The following UNK variants were observed in gnomAD, a reference collection of about 807,000 sequenced individuals.
UNK encodes RING finger protein unkempt homolog.
A neutral mutation model predicts 97.6 loss-of-function variants in UNK; 32 were observed. The ratio of observed to expected loss-of-function variants is 0.33; its 90% confidence interval spans 0.25 to 0.44. The LOEUF (loss-of-function observed/expected upper bound fraction) is 0.44, where lower values mean the gene tolerates loss of function less well. Ranked by LOEUF, UNK falls within the 20% of genes least tolerant of loss-of-function variation. The pLI is 1.00. For synonymous variants in UNK, 441 were observed against 461.2 expected (o/e 0.96, Z 0.56); for missense variants, 771 against 1,098.4 (o/e 0.70, Z 4.21).
intron 1 of UNK, among the ~76,000 whole-genome samples, chr17:75,794,383 T>G (rs2061787372): frequency 6.6e-6 from 1 of 152,172 alleles, no homozygotes; most frequent in Non-Finnish European, 1.5e-5. Flanking sequence ...ACGCCTGTAA[T>G]CCCAGCATTT....
intron 1 of UNK, chr17:75,792,185 A>G: frequency 1.1e-6 from 1 of 877,556 alleles, no homozygotes; most frequent in Non-Finnish European, 1.4e-6. Context: ...GAGTGATGAC[A>G]GTAAGGTTGC....
Position 75,790,657 on chromosome 17 carries a change from G to T in UNK, c.104+5673G>T, listed in dbSNP as rs146563923. ...AAAATAAATAAATAATTGGCTGGGC[G>T]TGGTGGCTCACGCCTGTAATCTTGA... On this transcript the variant is annotated intron_variant, in intron 1 of 15. Coordinates refer to ENST00000589666, the MANE Select transcript of UNK (RefSeq NM_001080419.3). Among the ~76,000 whole-genome samples the T allele has an allele frequency of 2.0e-3, 307 of 152,038 alleles. 1 individual carries two copies. The highest frequency in any genetic ancestry group is 6.6e-3 in the African/African-American group (274 of 41,504).
intron 1 of UNK, among the ~76,000 whole-genome samples, chr17:75,803,174 A>G (rs879367309): frequency 3.8e-4 from 46 of 119,874 alleles, no homozygotes; most frequent in South Asian, 7.5e-4. Flanking sequence ...CAAGGCGGGC[A>G]CATCATGAGG....
chr17:75,796,393 A>G (rs763362470), intron 1 of UNK, among the ~76,000 whole-genome samples: 1 of 150,172 alleles, frequency 6.7e-6, no homozygotes, highest in Non-Finnish European at 1.5e-5. Context: ...ATCATAGCTC[A>G]CTGCAGCCTT....
chr17:75,787,387 G>A (rs1373961917), intron 1 of UNK, among the ~76,000 whole-genome samples: 4 of 151,438 alleles, frequency 2.6e-5, no homozygotes, highest in South Asian at 2.1e-4. Context: ...GGTATTTTTT[G>A]TAGAGACGTG....
chr17:75,788,797 A>G (rs2061737116), intron 1 of UNK, among the ~76,000 whole-genome samples: 2 of 152,108 alleles, frequency 1.3e-5, no homozygotes, highest in Non-Finnish European at 2.9e-5. Flanking sequence ...GGTGTGAGCC[A>G]CCTCACCTGG....
rs770091719 is a variant in UNK, at chr17:75,784,999, C to G, written c.104+15C>G. 5.0e-6 allele frequency: 7 copies of G among 1,390,656 alleles called. No homozygotes were observed. The highest frequency in any genetic ancestry group is 6.6e-6 in the Non-Finnish European group (7 of 1,066,146). The allele number at this position is 1,390,656 out of a possible 1,614,324, so 86.1% of individuals were successfully genotyped here. Reference sequence around the variant, plus strand: ...CAGCACTACACGTACGTAGAGCCCCCCCCCCCCCGCCGCGCGCGCACGCCT... The same window carrying G: ...CAGCACTACACGTACGTAGAGCCCCGCCCCCCCCGCCGCGCGCGCACGCCT... On this transcript the variant is annotated intron_variant, in intron 1 of 15. Transcript: ENST00000589666.
chr17:75,807,480 A>G (rs1276397586), intron 1 of UNK, among the ~76,000 whole-genome samples: 1 of 152,114 alleles, frequency 6.6e-6, no homozygotes, highest in Non-Finnish European at 1.5e-5. Context: ...TTTGAGATGG[A>G]GTTTTGCTCT....
chr17:75,804,571 C>T (rs1567800208), intron 1 of UNK, among the ~76,000 whole-genome samples: 1 of 152,134 alleles, frequency 6.6e-6, no homozygotes, highest in African/African-American at 2.4e-5. Flanking sequence ...GGCATGGTGG[C>T]TCATGCCTGT....
At chr17:75,785,113 C>T in intron 1 of UNK, 129 bp downstream of exon 1, 1 of 605,576 alleles carries the variant, frequency 1.7e-6, no homozygotes, top group Non-Finnish European at 2.8e-6. Flanking sequence ...CCGGCCCAGA[C>T]CGGTTCCAAC....
intron 1 of UNK, among the ~76,000 whole-genome samples, chr17:75,790,879 G>C (rs2061758068): frequency 6.6e-6 from 1 of 151,506 alleles, no homozygotes; most frequent in Admixed American, 6.6e-5. Flanking sequence ...TGCGGAGGTT[G>C]CAGTGAGCCG....
At chr17:75,793,911 G>A in intron 1 of UNK, 1 of 985,390 alleles carries the variant, frequency 1.0e-6, no homozygotes, top group Non-Finnish European at 1.2e-6. Flanking sequence ...TTGTGACTTA[G>A]AAGTTTTAAG....
intron 2 of UNK, among the ~76,000 whole-genome samples, chr17:75,811,299 TTCA>T (rs1369146620): frequency 6.6e-6 from 1 of 152,134 alleles, no homozygotes; most frequent in Admixed American, 6.5e-5. Flanking sequence ...AGGGGATGTC[TTCA>T]TTGTGTTGCC....
intron 1 of UNK, among the ~76,000 whole-genome samples, chr17:75,789,283 A>G (rs2061741145): frequency 6.6e-6 from 1 of 152,184 alleles, no homozygotes; most frequent in Non-Finnish European, 1.5e-5. Flanking sequence ...CTTAGCACTT[A>G]GTAAAACGAT....
chr17:75,802,544 C>T (rs2061871174), intron 1 of UNK, among the ~76,000 whole-genome samples: 1 of 152,088 alleles, frequency 6.6e-6, no homozygotes, highest in Non-Finnish European at 1.5e-5. Flanking sequence ...GGATGAGCCA[C>T]TGCATGCAGC....
intron 1 of UNK, among the ~76,000 whole-genome samples, chr17:75,808,753 A>C (rs2061941551): frequency 6.6e-6 from 1 of 152,080 alleles, no homozygotes; most frequent in South Asian, 2.1e-4. Flanking sequence ...TAGGCTCGAG[A>C]GACTAAAGAG....
chr17:75,816,393 G>A lies in UNK; in HGVS notation c.962-377G>A, dbSNP rs1192398794. Among the ~76,000 whole-genome samples the A allele has an allele frequency of 6.6e-6, 1 of 152,222 alleles. No individual in the cohort carries two copies. Among genetic ancestry groups the A allele is most frequent in the Non-Finnish European group, 1.5e-5 (1 of 68,042 alleles). On this transcript the variant is annotated intron_variant, in intron 7 of 15. Coordinates refer to ENST00000589666, the MANE Select transcript of UNK (RefSeq NM_001080419.3). This position sits in a 1 kb window ranked among gnomAD's most constrained non-coding sequence, Gnocchi z 4.0. Reference sequence around the variant, plus strand: ...CCGGCCATGGGCATTGGGACCGCCTGGCTGAGACGGCATAAGGAAGTGATT... The same window carrying A: ...CCGGCCATGGGCATTGGGACCGCCTAGCTGAGACGGCATAAGGAAGTGATT...
At chr17:75,792,223 G>A (rs2061769040) in intron 1 of UNK, 1 of 914,246 alleles carries the variant, frequency 1.1e-6, no homozygotes, top group Non-Finnish European at 1.3e-6. Context: ...ATTAAATAGT[G>A]GACTGGTCTA....
intron 1 of UNK, among the ~76,000 whole-genome samples, chr17:75,787,439 C>T (rs772620201): frequency 7.9e-5 from 12 of 151,318 alleles, no homozygotes; most frequent in African/African-American, 2.4e-4. Flanking sequence ...CTCCTGTGAT[C>T]GAGCAGGCGC....
Sources: allele counts gnomAD v4.1 joint callset (sites outside exome capture counted in the v4.1 genomes callset), GRCh38; gene constraint gnomAD v4.1.1; non-coding constraint Gnocchi (gnomAD v3.1); transcripts MANE v1.5; gene names NCBI Gene and HGNC (gene_info 2026-07-23, HGNC 2026-07-21).